The following CCDC91 variants were observed in gnomAD, a reference collection of about 807,000 sequenced individuals.
CCDC91 encodes the protein coiled-coil domain containing 91.
In CCDC91, 48 loss-of-function variants were observed where a neutral mutation model predicts 63.2. The observed-to-expected ratio is 0.76, with a 90% confidence interval of 0.60 to 0.97. The LOEUF (loss-of-function observed/expected upper bound fraction) is 0.97, where lower values mean the gene tolerates loss of function less well. Ranked by LOEUF, CCDC91 falls within the 50% of genes least tolerant of loss-of-function variation. The probability of loss-of-function intolerance (pLI) is 0.00; values close to 1 mark genes in which losing one functional copy is unlikely to be tolerated. For synonymous variants in CCDC91, 167 were observed against 165.8 expected, an observed-to-expected ratio of 1.01 and a Z score of -0.06; for missense variants, 500 against 494.6, an observed-to-expected ratio of 1.01 and a Z score of -0.10.
chr12:28,224,324 A>G (rs1321908618), intron 1 of CCDC91, among the ~76,000 whole-genome samples: 1 of 152,100 alleles, frequency 6.6e-6, no homozygotes, highest in Non-Finnish European at 1.5e-5. Context: ...TCATCAACCT[A>G]TTTTTGGAAA....
At chr12:28,371,879 C>T (rs1289731231) in intron 7 of CCDC91, among the ~76,000 whole-genome samples, 3 of 152,166 alleles carry the variant, frequency 2.0e-5, no homozygotes, top group African/African-American at 7.2e-5. Flanking sequence ...CTTTGTTTTT[C>T]ACATAGATCA....
At chr12:28,546,350 C>A (rs1048004467) in intron 12 of CCDC91, among the ~76,000 whole-genome samples, 4 of 151,950 alleles carry the variant, frequency 2.6e-5, no homozygotes, top group African/African-American at 9.7e-5. Context: ...AATTTATATT[C>A]TTCTGAAATA....
intron 6 of CCDC91, among the ~76,000 whole-genome samples, chr12:28,315,657 A>T (rs1222801002): frequency 6.6e-6 from 1 of 152,054 alleles, no homozygotes. Context: ...AAAATGCTAA[A>T]TTAGTGGCTG....
At chr12:28,202,976 T>C (rs1942578700) in intron 1 of CCDC91, among the ~76,000 whole-genome samples, 1 of 152,172 alleles carries the variant, frequency 6.6e-6, no homozygotes, top group Non-Finnish European at 1.5e-5. Flanking sequence ...TTAGGTCAAA[T>C]AAAGACAAGT....
At chr12:28,200,412 C>T (rs1309103970) in intron 1 of CCDC91, among the ~76,000 whole-genome samples, 3 of 146,774 alleles carry the variant, frequency 2.0e-5, no homozygotes, top group Non-Finnish European at 4.5e-5. Flanking sequence ...TCTGGTTTTC[C>T]TAGGCAGAGG....
intron 7 of CCDC91, among the ~76,000 whole-genome samples, chr12:28,385,727 G>A (rs139049994): frequency 3.9e-5 from 6 of 152,200 alleles, no homozygotes; most frequent in South Asian, 2.1e-4. Context: ...TGCAAATCTG[G>A]ACAATCATTT....
At chr12:28,445,538 A>G (rs1478590384) in intron 8 of CCDC91, among the ~76,000 whole-genome samples, 1 of 152,224 alleles carries the variant, frequency 6.6e-6, no homozygotes, top group Non-Finnish European at 1.5e-5. Context: ...TGTGGGAAAT[A>G]CAAGCACTAG....
Position 28,259,405 on chromosome 12 carries a change from A to G in CCDC91, c.72A>G (p.Thr24=). 2 of 1,611,718 alleles carry G rather than the reference A, an allele frequency of 1.2e-6. No homozygotes were observed. Among genetic ancestry groups the G allele is most frequent in the Non-Finnish European group, 1.7e-6 (2 of 1,178,630 alleles). Reference sequence around the variant, plus strand: ...ATGGTGGAAGTGGTGAAACCCAAACAACATCTCCTGCTATTCCTTGGGCTG... The same window carrying G: ...ATGGTGGAAGTGGTGAAACCCAAACGACATCTCCTGCTATTCCTTGGGCTG... ...TFDGGSGETQ[T]TSPAIPWAAF... The change falls in exon 3 of 13, where the codon ACA becomes ACG. Residue 24 remains threonine, a synonymous_variant. Coordinates refer to ENST00000536442, the MANE Select transcript of CCDC91 (RefSeq NM_018318.5).
chr12:28,498,118 G>C (rs1565478592), intron 12 of CCDC91, among the ~76,000 whole-genome samples: 1 of 151,534 alleles, frequency 6.6e-6, no homozygotes, highest in African/African-American at 2.4e-5. Flanking sequence ...ATACCTTTCT[G>C]CATCATTATA....
intron 12 of CCDC91, among the ~76,000 whole-genome samples, chr12:28,526,382 C>T (rs1158554849): frequency 6.6e-6 from 1 of 152,038 alleles, no homozygotes; most frequent in Non-Finnish European, 1.5e-5. Context: ...TTGCTGGGTA[C>T]AAAATTCTTG....
chr12:28,464,367 GA>G (rs1345871363), intron 11 of CCDC91, among the ~76,000 whole-genome samples: 3 of 152,216 alleles, frequency 2.0e-5, no homozygotes, highest in Admixed American at 2.0e-4. Flanking sequence ...CAGGATGGCT[GA>G]GGTAGTGTGG....
At chr12:28,475,849 A>T (rs1197363980) in intron 11 of CCDC91, among the ~76,000 whole-genome samples, 1 of 152,016 alleles carries the variant, frequency 6.6e-6, no homozygotes, top group Non-Finnish European at 1.5e-5. Context: ...CCAGTCTGTG[A>T]TATGTTACAG....
chr12:28,495,304 C>T (rs1170036593), intron 12 of CCDC91, among the ~76,000 whole-genome samples: 1 of 151,660 alleles, frequency 6.6e-6, no homozygotes, highest in Non-Finnish European at 1.5e-5. Flanking sequence ...TGTAGTAACT[C>T]ATGTCAGACC....
chr12:28,363,830 T>C (rs1471465211), intron 7 of CCDC91, among the ~76,000 whole-genome samples: 2 of 140,858 alleles, frequency 1.4e-5, no homozygotes, highest in African/African-American at 2.7e-5. Context: ...TGAGCCGAGA[T>C]TGCGCCACTG....
chr12:28,267,852 G>GTAATATATAATTATATTAT (rs1555170550), intron 3 of CCDC91, among the ~76,000 whole-genome samples: 2,548 of 20,498 alleles, frequency 0.12, 558 homozygotes, highest in African/African-American at 0.16. Flanking sequence ...TAATTATATA[G>GTAATATATAATTATATTAT]TAATATATAA....
At chr12:28,492,103 C>T (rs1174957882) in intron 12 of CCDC91, among the ~76,000 whole-genome samples, 1 of 151,702 alleles carries the variant, frequency 6.6e-6, no homozygotes, top group Non-Finnish European at 1.5e-5. Flanking sequence ...AGTGGTATTA[C>T]AAATTGCCAG....
In CCDC91 at chr12:28,450,248, CAG is replaced by C. The variant is rs1949734751; in HGVS notation, c.852_853del (p.Lys285GlyfsTer15). ...AGCTTTGATTCAGCAATCTCAAGAACAGAAGGTAATACTTTAACTGTGCTCAG... is the reference window on the plus strand; with the variant it reads ...AGCTTTGATTCAGCAATCTCAAGAACAAGGTAATACTTTAACTGTGCTCAG... ...KEALIQQSQE[Q>X]KEILEKCLEE... is the part of the protein sequence containing the mutation. On this transcript the variant is annotated frameshift_variant, in exon 9 of 13. Transcript: ENST00000536442. LOFTEE classifies it high-confidence loss of function. 1 of 1,602,804 alleles carries C rather than the reference CAG, an allele frequency of 6.2e-7. No individual in the cohort carries two copies. The highest frequency in any genetic ancestry group is 8.5e-7 in the Non-Finnish European group (1 of 1,170,900).
chr12:28,284,534 C>T lies in CCDC91; in HGVS notation c.110-21115C>T, dbSNP rs530665613. ...AGGTGTGGTGGCACATGCCTGTAAT[C>T]CCAGCTACTCAGGAAGGCTGAGGCA... On this transcript the variant is annotated intron_variant, in intron 3 of 12. Transcript: ENST00000536442. Among the ~76,000 whole-genome samples, 7 of 152,022 alleles carry T rather than the reference C, an allele frequency of 4.6e-5. No homozygotes were observed. The East Asian group carries it at 1.2e-3, about 25-fold the overall frequency.
intron 12 of CCDC91, among the ~76,000 whole-genome samples, chr12:28,492,839 GA>G (rs1259359632): frequency 6.6e-6 from 1 of 151,562 alleles, no homozygotes; most frequent in Non-Finnish European, 1.5e-5. Flanking sequence ...TCATTGTTCA[GA>G]GTGAATTATT....
Sources: gnomAD v4.1 joint callset for allele counts (sites outside exome capture counted in the v4.1 genomes callset) on GRCh38, gnomAD v4.1.1 for gene constraint, MANE v1.5 for transcripts, NCBI Gene and HGNC (gene_info 2026-07-23, HGNC 2026-07-21) for gene names.